Variants in GFOD1 observed in about 807,000 individuals in gnomAD.
GFOD1 encodes Gfo/Idh/MocA-like oxidoreductase domain containing 1.
A neutral mutation model predicts 25.4 loss-of-function variants in GFOD1; 9 were observed. The observed-to-expected ratio is 0.35, with a 90% CI of 0.21 to 0.62. The LOEUF is 0.62. Ranked by LOEUF, GFOD1 falls within the 20% of genes least tolerant of loss-of-function variation. The pLI, the probability that GFOD1 is intolerant of heterozygous loss-of-function variation, is 0.72. For missense variants in GFOD1, 403 were observed against 556.9 expected, an observed-to-expected ratio of 0.72 and a Z score of 2.78; for synonymous variants, 253 against 245.6, an observed-to-expected ratio of 1.03 and a Z score of -0.28.
chr6:13,445,187 G>A (rs927269853), intron 1 of GFOD1, among the ~76,000 whole-genome samples: 4 of 152,188 alleles, frequency 2.6e-5, no homozygotes, highest in Non-Finnish European at 1.5e-5. Flanking sequence ...TTAGCATTCC[G>A]GTGAAGGTAT....
chr6:13,484,189 C>T (rs1758815677), intron 1 of GFOD1, among the ~76,000 whole-genome samples: 2 of 152,170 alleles, frequency 1.3e-5, no homozygotes, highest in South Asian at 4.1e-4. Flanking sequence ...CTTACTTTGA[C>T]AGGCCTGTGA....
At chr6:13,379,494 T>C in intron 1 of GFOD1, among the ~76,000 whole-genome samples, 1 of 152,124 alleles carries the variant, frequency 6.6e-6, no homozygotes, top group South Asian at 2.1e-4. Context: ...GTGATGCCCG[T>C]GATGCAATGA....
chr6:13,469,021 C>T (rs1216840117), intron 1 of GFOD1, among the ~76,000 whole-genome samples: 2 of 152,188 alleles, frequency 1.3e-5, no homozygotes, highest in Non-Finnish European at 2.9e-5. Flanking sequence ...TTCAACAGAC[C>T]TTGCTTCTTC....
intron 1 of GFOD1, among the ~76,000 whole-genome samples, chr6:13,410,433 G>A (rs915438964): frequency 6.6e-6 from 1 of 152,072 alleles, no homozygotes; most frequent in African/African-American, 2.4e-5. Context: ...TGGGGGTGGT[G>A]GTGCATGCCT....
Position 13,479,645 on chromosome 6 carries a change from T to G in GFOD1, c.253+6993A>C, listed in dbSNP as rs535925549. ...AAATGTCCAACTTCTTCATTTAGCT[T>G]CTTCTCCCTCCAGTGGAAACTTCTG... On this transcript the variant is annotated intron_variant, in intron 1 of 1. Coordinates refer to ENST00000379287, the MANE Select transcript of GFOD1 (RefSeq NM_018988.4). Among the ~76,000 whole-genome samples, 6 of 152,370 alleles carry G rather than the reference T, an allele frequency of 3.9e-5. No homozygotes were observed. The South Asian group carries it at 1.2e-3, about 32-fold the overall frequency.
chr6:13,383,688 CA>C (rs1785409261), intron 1 of GFOD1, among the ~76,000 whole-genome samples: 1 of 152,180 alleles, frequency 6.6e-6, no homozygotes, highest in Admixed American at 6.5e-5. Flanking sequence ...GTAAGCAAAT[CA>C]AAACCCAACC....
chr6:13,390,082 C>T (rs1028031080), intron 1 of GFOD1, among the ~76,000 whole-genome samples: 1 of 152,110 alleles, frequency 6.6e-6, no homozygotes, highest in Non-Finnish European at 1.5e-5. Context: ...TGGGACATCC[C>T]CCCTGAGGAC....
intron 1 of GFOD1, among the ~76,000 whole-genome samples, chr6:13,471,194 G>C (rs777680528): frequency 2.0e-5 from 3 of 152,158 alleles, no homozygotes; most frequent in Non-Finnish European, 4.4e-5. Context: ...GTCCTCAGGA[G>C]CTAGCTGCCA....
Position 13,365,242 on chromosome 6 carries a change from A to G in GFOD1, c.674T>C (p.Met225Thr). 6.2e-7 allele frequency: 1 copy of G among 1,614,146 alleles called. No homozygotes were observed. The change falls in exon 2 of 2, where the codon ATG becomes ACG. Residue 225 changes from methionine to threonine, a missense_variant. By Grantham distance (81) the Met-to-Thr change is moderately conservative (BLOSUM62 -1). Coordinates refer to ENST00000379287, the MANE Select transcript of GFOD1 (RefSeq NM_018988.4). This position sits in a 1 kb window ranked among gnomAD's most constrained non-coding sequence, Gnocchi z 9.2. Reference protein sequence around the residue: ...ITSDDFCTFQMVLEGGVCCTV... With the variant: ...ITSDDFCTFQTVLEGGVCCTV... ...GCAGCACACCCCGCCCTCCAGCACCATCTGGAAGGTGCAGAAGTCATCGCT... is the reference window on the plus strand; with the variant it reads ...GCAGCACACCCCGCCCTCCAGCACCGTCTGGAAGGTGCAGAAGTCATCGCT...
intron 1 of GFOD1, among the ~76,000 whole-genome samples, chr6:13,425,685 C>G (rs1458484138): frequency 6.6e-6 from 1 of 152,134 alleles, no homozygotes; most frequent in African/African-American, 2.4e-5. Context: ...TCTGTCAAAT[C>G]TCACCCAGAA....
chr6:13,410,410 AT>A (rs1786052000), intron 1 of GFOD1, among the ~76,000 whole-genome samples: 1 of 152,152 alleles, frequency 6.6e-6, no homozygotes, highest in Admixed American at 6.5e-5. Flanking sequence ...TCTACTAAAA[AT>A]ACAAAATTAG....
chr6:13,479,206 T>A (rs1458329369), intron 1 of GFOD1, among the ~76,000 whole-genome samples: 1 of 152,192 alleles, frequency 6.6e-6, no homozygotes, highest in Non-Finnish European at 1.5e-5. Flanking sequence ...TTTTTAAAAA[T>A]TTTAAAAAGA....
At chr6:13,405,988 T>G (rs1301204970) in intron 1 of GFOD1, among the ~76,000 whole-genome samples, 1 of 152,146 alleles carries the variant, frequency 6.6e-6, no homozygotes, top group Non-Finnish European at 1.5e-5. Flanking sequence ...TTCCTTTCAC[T>G]CTTGGCCTCC....
At chr6:13,445,677 A>AT (rs1354852784) in intron 1 of GFOD1, among the ~76,000 whole-genome samples, 3 of 152,220 alleles carry the variant, frequency 2.0e-5, no homozygotes, top group Admixed American at 1.3e-4. Flanking sequence ...GAAAGGCAAC[A>AT]TTTTTTCCCT....
At chr6:13,390,418 C>T (rs917151660) in intron 1 of GFOD1, among the ~76,000 whole-genome samples, 3 of 151,884 alleles carry the variant, frequency 2.0e-5, no homozygotes, top group Admixed American at 2.0e-4. Context: ...TAGTGAGACC[C>T]TGTCTCTAAA....
rs118178478 is a variant in GFOD1, at chr6:13,365,352, G to T, written c.564C>A (p.Thr188=). 6.2e-7 allele frequency: 1 copy of T among 1,614,164 alleles called. No individual in the cohort carries two copies. Among genetic ancestry groups the T allele is most frequent in the South Asian group, 1.1e-5 (1 of 91,086 alleles). The part of the protein sequence containing the change: ...TYIIDLLTFL[T]GQKAVKVHGL... The stretch of plus-strand genomic sequence containing the variant: ...CGTGGACCTTGACGGCCTTTTGGCC[G>T]GTGAGGAAGGTGAGCAGGTCGATGA... Residue 188 remains threonine, a synonymous_variant, in exon 2 of 2, where the codon ACC becomes ACA. Transcript: ENST00000379287. The surrounding 1 kb of genome is among the most constrained non-coding windows in gnomAD (Gnocchi z 9.2).
At chr6:13,470,395 G>A in intron 1 of GFOD1, 2 of 1,549,472 alleles carry the variant, frequency 1.3e-6, no homozygotes, top group Non-Finnish European at 1.7e-6. Flanking sequence ...GGAAAGCCAG[G>A]CTGCCTCTGT....
At chr6:13,369,994 A>G (rs1322539579) in intron 1 of GFOD1, among the ~76,000 whole-genome samples, 1 of 152,060 alleles carries the variant, frequency 6.6e-6, no homozygotes, top group African/African-American at 2.4e-5. Flanking sequence ...TTGTAATTTT[A>G]TGGTCAGAAA....
At chr6:13,462,173 G>A (rs9367488) in intron 1 of GFOD1, among the ~76,000 whole-genome samples, 23,459 of 152,170 alleles carry the variant, frequency 0.15, 2,048 homozygotes, top group South Asian at 0.26. Context: ...CATTTATGTC[G>A]CGGGTGAGGA....
Sources: gnomAD v4.1 joint callset for allele counts (sites outside exome capture counted in the v4.1 genomes callset) on GRCh38, gnomAD v4.1.1 for gene constraint, Gnocchi (gnomAD v3.1) non-coding constraint, MANE v1.5 for transcripts, NCBI Gene and HGNC (gene_info 2026-07-23, HGNC 2026-07-21) for gene names.